LRBA: variants seen among roughly 807,000 people sequenced by gnomAD.
LRBA encodes the protein LPS responsive beige-like anchor protein, also known as lipopolysaccharide-responsive and beige-like anchor protein.
LRBA carries 176 observed loss-of-function variants against 330.0 expected under a neutral mutation model. The ratio of observed to expected loss-of-function variants is 0.53; its 90% CI spans 0.47 to 0.60. The LOEUF is 0.60. LRBA is among the 20% of genes least tolerant of loss of function. The probability of loss-of-function intolerance (pLI) is 0.00; values close to 1 mark genes in which losing one functional copy is unlikely to be tolerated. For missense variants in LRBA, 3,259 were observed against 3,444.8 expected, an observed-to-expected ratio of 0.95 and a Z score of 1.35; for synonymous variants, 1,230 against 1,193.0, an observed-to-expected ratio of 1.03 and a Z score of -0.64.
At chr4:150,403,429 C>A (rs111664685) in intron 47 of LRBA, among the ~76,000 whole-genome samples, 257 of 152,290 alleles carry the variant, frequency 1.7e-3, no homozygotes, top group Non-Finnish European at 2.6e-3. Context: ...TAACTGGCAG[C>A]ACACTACCAT....
At chr4:150,969,866 A>G (rs976299995) in intron 2 of LRBA, among the ~76,000 whole-genome samples, 3 of 152,250 alleles carry the variant, frequency 2.0e-5, no homozygotes, top group Non-Finnish European at 4.4e-5. Flanking sequence ...AATTTAGTTG[A>G]TAACGCAGTA....
At position 150,871,401 on chromosome 4, in the gene LRBA, T is replaced by G. The variant is rs540913315; in HGVS notation, c.2311A>C (p.Arg771=). The part of the protein sequence containing the change: ...GHGLFSLLAE[R]LMLQTNLITM... ...ATTAAATTTGTCTGAAGCATGAGCCTTTCAGCTAGCAATGAAAACAATCCA... is the reference window on the plus strand; with the variant it reads ...ATTAAATTTGTCTGAAGCATGAGCCGTTCAGCTAGCAATGAAAACAATCCA... The change falls in exon 19 of 57, where the codon AGG becomes CGG. Residue 771 remains arginine, a synonymous_variant. Transcript: ENST00000651943. 6.2e-7 allele frequency: 1 copy of G among 1,612,836 alleles called. No homozygotes were observed. Among genetic ancestry groups the G allele is most frequent in the Admixed American group, 1.7e-5 (1 of 60,018 alleles).
chr4:150,691,286 G>GA (rs1316572936), intron 36 of LRBA, among the ~76,000 whole-genome samples: 1 of 151,416 alleles, frequency 6.6e-6, no homozygotes, highest in Non-Finnish European at 1.5e-5. Context: ...CACAAATTGT[G>GA]AAAAAAAATT....
At chr4:150,723,622 C>A (rs1294540986) in intron 36 of LRBA, among the ~76,000 whole-genome samples, 1 of 152,152 alleles carries the variant, frequency 6.6e-6, no homozygotes, top group East Asian at 1.9e-4. Flanking sequence ...GGTGACCCAG[C>A]ATATTCCCAG....
At chr4:150,891,095 TTAGA>T (rs1325289946) in intron 17 of LRBA, among the ~76,000 whole-genome samples, 1 of 152,216 alleles carries the variant, frequency 6.6e-6, no homozygotes, top group Admixed American at 6.5e-5. Context: ...AATTCAGTTA[TTAGA>T]TAGGAAATGT....
rs925500510 is a variant in LRBA at position 151,014,611 on chromosome 4, G to A, written c.32C>T (p.Pro11Leu). MASEDNRVPS[P>L]PPTGDDGGGG... ...TCCCCCGTCATCACCTGTTGGTGGC[G>A]GGGAAGGGACACGATTGTCTTCGCT... is the stretch of plus-strand genomic sequence containing the variant. Residue 11 changes from proline (P) to leucine (L), a missense_variant, in exon 2 of 57, where the codon CCG becomes CTG. Physicochemically the swap from Pro to Leu is moderately conservative, Grantham distance 98 (BLOSUM62 -3). Coordinates refer to ENST00000651943, the MANE Select transcript of LRBA (RefSeq NM_001364905.1). The A allele has an allele frequency of 7.5e-6, 12 of 1,607,910 alleles. No individual in the cohort carries two copies. Among genetic ancestry groups the A allele is most frequent in the Non-Finnish European group, 1.0e-5 (12 of 1,176,868 alleles).
intron 44 of LRBA, among the ~76,000 whole-genome samples, chr4:150,454,111 C>T (rs1458085675): frequency 6.6e-6 from 1 of 152,114 alleles, no homozygotes; most frequent in Non-Finnish European, 1.5e-5. Context: ...CAGGCACGCA[C>T]CACCACATCT....
intron 37 of LRBA, among the ~76,000 whole-genome samples, chr4:150,633,848 C>A (rs1179001394): frequency 6.6e-6 from 1 of 152,186 alleles, no homozygotes; most frequent in Admixed American, 6.5e-5. Context: ...GATGCGGTGG[C>A]TCACACCTGT....
At chr4:150,487,696 C>T (rs1423574267) in intron 42 of LRBA, 36 bp downstream of exon 42, 1 of 1,243,054 alleles carries the variant, frequency 8.0e-7, no homozygotes, top group Non-Finnish European at 1.2e-6. Context: ...TATTAAGACA[C>T]TTTACTTTCC....
intron 40 of LRBA, among the ~76,000 whole-genome samples, chr4:150,567,283 G>T (rs1305360690): frequency 6.6e-6 from 1 of 152,082 alleles, no homozygotes; most frequent in Non-Finnish European, 1.5e-5. Flanking sequence ...TTCAGAGTAG[G>T]ATAACAAGAT....
At chr4:150,709,205 T>C (rs1036401967) in intron 36 of LRBA, among the ~76,000 whole-genome samples, 1 of 151,898 alleles carries the variant, frequency 6.6e-6, no homozygotes, top group Admixed American at 6.6e-5. Flanking sequence ...AACCCGAACA[T>C]GTTTTTGGAA....
At chr4:150,850,210 CAG>C (rs1750445128) in intron 24 of LRBA, among the ~76,000 whole-genome samples, 1 of 151,852 alleles carries the variant, frequency 6.6e-6, no homozygotes, top group Non-Finnish European at 1.5e-5. Context: ...TCTCCTACCT[CAG>C]CCTCCTGAGT....
intron 26 of LRBA, among the ~76,000 whole-genome samples, chr4:150,845,523 T>C (rs1263046515): frequency 6.6e-6 from 1 of 152,166 alleles, no homozygotes; most frequent in African/African-American, 2.4e-5. Flanking sequence ...CTTGATACCA[T>C]GTAATCATCT....
intron 40 of LRBA, among the ~76,000 whole-genome samples, chr4:150,495,883 T>C (rs1479204333): frequency 6.6e-6 from 1 of 152,222 alleles, no homozygotes; most frequent in Non-Finnish European, 1.5e-5. Flanking sequence ...CTGAATTGCT[T>C]GAAATCTTTA....
At chr4:150,337,042 A>G (rs909102163) in intron 48 of LRBA, among the ~76,000 whole-genome samples, 11 of 152,246 alleles carry the variant, frequency 7.2e-5, no homozygotes, top group African/African-American at 2.4e-4. Flanking sequence ...GCCAATGCTA[A>G]GAAGCAAATG....
chr4:150,482,678 T>C (rs1301019552), intron 42 of LRBA, among the ~76,000 whole-genome samples: 1 of 152,108 alleles, frequency 6.6e-6, no homozygotes, highest in East Asian at 1.9e-4. Flanking sequence ...CCAGTTGCCT[T>C]GTATACTGCT....
At chr4:150,300,936 C>G (rs1169716752) in intron 53 of LRBA, among the ~76,000 whole-genome samples, 1 of 151,928 alleles carries the variant, frequency 6.6e-6, no homozygotes, top group Admixed American at 6.6e-5. Flanking sequence ...TAAAATAAAA[C>G]AAGAAACCAA....
At chr4:150,494,309 G>C (rs1759308196) in intron 40 of LRBA, among the ~76,000 whole-genome samples, 1 of 152,162 alleles carries the variant, frequency 6.6e-6, no homozygotes, top group Non-Finnish European at 1.5e-5. Context: ...TTGGGTTAAA[G>C]AGGAAAGAGG....
intron 17 of LRBA, among the ~76,000 whole-genome samples, chr4:150,881,100 G>A (rs1553989868): frequency 6.6e-6 from 1 of 152,280 alleles, no homozygotes; most frequent in East Asian, 1.9e-4. Context: ...CAGCCTCTGT[G>A]GAAAGCAGCT....
Sources: allele counts gnomAD v4.1 joint callset (sites outside exome capture counted in the v4.1 genomes callset), GRCh38; gene constraint gnomAD v4.1.1; transcripts MANE v1.5; gene names NCBI Gene and HGNC (gene_info 2026-07-23, HGNC 2026-07-21).